LRRTM4: variants seen among roughly 807,000 people sequenced by gnomAD.
LRRTM4 encodes the protein leucine rich repeat transmembrane neuronal 4.
LRRTM4 carries 25 observed loss-of-function variants against 47.6 expected under a neutral mutation model. That is an observed-to-expected ratio of 0.53 (90% CI 0.38 to 0.73). The LOEUF is 0.73. Ranked by LOEUF, LRRTM4 falls within the 30% of genes least tolerant of loss-of-function variation. The pLI, the probability that LRRTM4 is intolerant of heterozygous loss-of-function variation, is 0.00. For missense variants in LRRTM4, 638 were observed against 713.4 expected (o/e 0.89, Z 1.20); for synonymous variants, 311 against 269.5 (o/e 1.15, Z -1.51).
rs144716483 is a variant in LRRTM4, at chr2:77,514,702, T to C, written c.1551+3616A>G. Among the ~76,000 whole-genome samples the C allele has an allele frequency of 3.2e-3, 487 of 152,098 alleles. 2 individuals carry two copies. The highest frequency in any genetic ancestry group is 0.011 in the African/African-American group (464 of 41,550). On this transcript the variant is annotated intron_variant, in intron 3 of 3. Coordinates refer to ENST00000409884, the MANE Select transcript of LRRTM4 (RefSeq NM_001134745.3). The stretch of plus-strand genomic sequence containing the variant: ...TCTTTAGAGACTACATTCATTCATT[T>C]TAAATTTTCACCAATTTAACTTTTT...
chr2:77,329,321 T>C (rs1573261688), intron 3 of LRRTM4, among the ~76,000 whole-genome samples: 1 of 152,204 alleles, frequency 6.6e-6, no homozygotes, highest in South Asian at 2.1e-4. Context: ...GAATGCCTAA[T>C]GTGTGCTGGG....
intron 3 of LRRTM4, among the ~76,000 whole-genome samples, chr2:76,833,999 C>T (rs939001521): frequency 6.7e-6 from 1 of 148,236 alleles, no homozygotes; most frequent in Admixed American, 6.8e-5. Context: ...GTGGAGCAAG[C>T]CCTTGTTTTT....
intron 3 of LRRTM4, among the ~76,000 whole-genome samples, chr2:77,425,624 C>T (rs1171720023): frequency 6.6e-6 from 1 of 152,150 alleles, no homozygotes; most frequent in Non-Finnish European, 1.5e-5. Context: ...CAATTGACAC[C>T]TATAAGTGGA....
intron 3 of LRRTM4, among the ~76,000 whole-genome samples, chr2:76,831,572 A>G (rs1183908045): frequency 6.6e-6 from 1 of 152,164 alleles, no homozygotes; most frequent in Non-Finnish European, 1.5e-5. Flanking sequence ...AAAAAGATGT[A>G]TCCCTAGATA....
intron 3 of LRRTM4, among the ~76,000 whole-genome samples, chr2:77,389,982 G>T (rs923839079): frequency 6.6e-6 from 1 of 152,030 alleles, no homozygotes; most frequent in African/African-American, 2.4e-5. Flanking sequence ...TCCCTGTCCT[G>T]GGTCCATGAC....
intron 3 of LRRTM4, among the ~76,000 whole-genome samples, chr2:76,940,721 C>T (rs964557709): frequency 3.9e-5 from 6 of 152,102 alleles, no homozygotes; most frequent in Admixed American, 6.5e-5. Flanking sequence ...GTACTATGTA[C>T]GTCAGAAAGA....
At chr2:77,224,873 CA>C (rs1360173851) in intron 3 of LRRTM4, among the ~76,000 whole-genome samples, 2 of 152,142 alleles carry the variant, frequency 1.3e-5, no homozygotes, top group Non-Finnish European at 1.5e-5. Context: ...GGTATATACC[CA>C]AAAGATTGTA....
intron 3 of LRRTM4, among the ~76,000 whole-genome samples, chr2:76,750,649 A>G (rs1672819823): frequency 6.6e-6 from 1 of 152,204 alleles, no homozygotes; most frequent in African/African-American, 2.4e-5. Flanking sequence ...GCAGGGAGTT[A>G]ACCAGTCTTA....
At chr2:77,266,588 T>G (rs1676056866) in intron 3 of LRRTM4, among the ~76,000 whole-genome samples, 2 of 151,976 alleles carry the variant, frequency 1.3e-5, no homozygotes, top group Non-Finnish European at 2.9e-5. Context: ...ATTCCAAAGG[T>G]CTACAGAGGG....
chr2:76,903,162 G>A (rs1240402893), intron 3 of LRRTM4, among the ~76,000 whole-genome samples: 1 of 152,030 alleles, frequency 6.6e-6, no homozygotes, highest in African/African-American at 2.4e-5. Context: ...AAGAGGTCAG[G>A]AGATCAAGAT....
chr2:77,414,634 A>T (rs898320094), intron 3 of LRRTM4, among the ~76,000 whole-genome samples: 3 of 152,212 alleles, frequency 2.0e-5, no homozygotes, highest in Non-Finnish European at 4.4e-5. Context: ...ACAGTTTCTC[A>T]TAGTGATGGA....
intron 3 of LRRTM4, among the ~76,000 whole-genome samples, chr2:77,402,358 A>C (rs1558726343): frequency 2.0e-5 from 3 of 151,998 alleles, no homozygotes; most frequent in East Asian, 2.0e-4. Flanking sequence ...TATGTTGCCC[A>C]GGTTGGTCTC....
At chr2:77,000,241 T>C (rs1677366855) in intron 3 of LRRTM4, among the ~76,000 whole-genome samples, 3 of 152,042 alleles carry the variant, frequency 2.0e-5, no homozygotes, top group Admixed American at 1.3e-4. Context: ...TTTGCCCTCA[T>C]TAGTGAGCAA....
At chr2:77,409,028 C>A (rs141470309) in intron 3 of LRRTM4, among the ~76,000 whole-genome samples, 69 of 152,224 alleles carry the variant, frequency 4.5e-4, no homozygotes, top group African/African-American at 1.7e-3. Flanking sequence ...AACATTCTTC[C>A]ACTGAAAGTG....
intron 3 of LRRTM4, among the ~76,000 whole-genome samples, chr2:76,882,654 A>G (rs1214058723): frequency 1.3e-5 from 2 of 152,170 alleles, no homozygotes; most frequent in African/African-American, 4.8e-5. Context: ...TAAAAAGGTA[A>G]GGCCAGAAAC....
At chr2:77,361,731 G>A (rs968216998) in intron 3 of LRRTM4, among the ~76,000 whole-genome samples, 2 of 152,074 alleles carry the variant, frequency 1.3e-5, no homozygotes, top group African/African-American at 2.4e-5. Context: ...GCCCCCTTAG[G>A]ATCATTCCAC....
At chr2:76,788,990 A>AACTT (rs1443003085) in intron 3 of LRRTM4, among the ~76,000 whole-genome samples, 2 of 152,158 alleles carry the variant, frequency 1.3e-5, no homozygotes, top group Non-Finnish European at 2.9e-5. Flanking sequence ...AGAGACATAA[A>AACTT]ACTTACACTG....
intron 3 of LRRTM4, among the ~76,000 whole-genome samples, chr2:77,038,829 C>T (rs1678931155): frequency 6.6e-6 from 1 of 151,354 alleles, no homozygotes; most frequent in Non-Finnish European, 1.5e-5. Context: ...TGGATCTAAC[C>T]ATCTAATGTT....
intron 3 of LRRTM4, among the ~76,000 whole-genome samples, chr2:76,917,447 C>G (rs538433771): frequency 6.6e-6 from 1 of 152,288 alleles, no homozygotes; most frequent in South Asian, 2.1e-4. Flanking sequence ...CTATTAAAAT[C>G]TATGTTTCGC....
Sources: gnomAD v4.1 joint callset for allele counts (sites outside exome capture counted in the v4.1 genomes callset) on GRCh38, gnomAD v4.1.1 for gene constraint, MANE v1.5 for transcripts, NCBI Gene and HGNC (gene_info 2026-07-23, HGNC 2026-07-21) for gene names.